FAM98B: variants seen among roughly 807,000 people sequenced by gnomAD.
FAM98B encodes the protein tRNA-splicing ligase complex subunit FAM98B.
Under a neutral mutation model 43.9 loss-of-function variants are expected in FAM98B, and 32 were observed. The ratio of observed to expected loss-of-function variants is 0.73; its 90% CI spans 0.55 to 0.98. The LOEUF is 0.98. Among genes scored for constraint, FAM98B ranks in the 50% least tolerant of loss-of-function variants. The pLI, the probability that FAM98B is intolerant of heterozygous loss-of-function variation, is 0.00. For missense variants in FAM98B, 514 were observed against 522.9 expected, an observed-to-expected ratio of 0.98 and a Z score of 0.17; for synonymous variants, 190 against 174.0, an observed-to-expected ratio of 1.09 and a Z score of -0.72.
intron 7 of FAM98B, chr15:38,481,723 A>G: frequency 1.9e-6 from 2 of 1,058,310 alleles, no homozygotes; most frequent in East Asian, 2.6e-5. Context: ...ATTATGTTCC[A>G]TCTTTCTAAA....
At chr15:38,458,474 C>T (rs971169101) in intron 1 of FAM98B, among the ~76,000 whole-genome samples, 3 of 152,102 alleles carry the variant, frequency 2.0e-5, no homozygotes, top group Non-Finnish European at 4.4e-5. Context: ...CCCACTGAAA[C>T]GCTATATGCT....
intron 6 of FAM98B, among the ~76,000 whole-genome samples, chr15:38,480,865 T>A (rs1301472091): frequency 6.6e-6 from 1 of 152,140 alleles, no homozygotes; most frequent in Non-Finnish European, 1.5e-5. Flanking sequence ...TATAGGATTA[T>A]AAGTTAATTT....
chr15:38,469,647 A>T (rs1275125728), intron 3 of FAM98B, among the ~76,000 whole-genome samples: 1 of 152,254 alleles, frequency 6.6e-6, no homozygotes, highest in Non-Finnish European at 1.5e-5. Flanking sequence ...AATCTAGATC[A>T]TTTAATATGT....
chr15:38,465,461 G>A, intron 3 of FAM98B, 58 bp downstream of exon 3: 1 of 1,457,282 alleles, frequency 6.9e-7, no homozygotes, highest in Non-Finnish European at 9.2e-7. Flanking sequence ...TTATTTTCAA[G>A]TCAAGATTTA....
intron 3 of FAM98B, among the ~76,000 whole-genome samples, chr15:38,465,615 A>G (rs1170937708): frequency 6.6e-6 from 1 of 152,192 alleles, no homozygotes; most frequent in East Asian, 1.9e-4. Context: ...TGGCCAATAT[A>G]GAATGTCCTG....
chr15:38,480,266 T>C (rs1445925960), intron 6 of FAM98B, among the ~76,000 whole-genome samples: 5 of 152,328 alleles, frequency 3.3e-5, no homozygotes, highest in Admixed American at 3.3e-4. Context: ...GTATTATTGT[T>C]ATTATTACAG....
At position 38,458,587 on chromosome 15, in the gene FAM98B, AC is replaced by A. The variant is rs1372442466; in HGVS notation, c.71+4356del. On this transcript the variant is annotated intron_variant, in intron 1 of 7. Transcript: ENST00000397609. Reference sequence around the variant, plus strand: ...GGTATTGTTGGTCTGGCATTTGCCTACTTGGCATCTAAGCTGTCCTAAAGCT... The same window carrying A: ...GGTATTGTTGGTCTGGCATTTGCCTATTGGCATCTAAGCTGTCCTAAAGCT... Among the ~76,000 whole-genome samples the A allele has an allele frequency of 2.6e-5, 4 of 152,150 alleles. No individual in the cohort carries two copies. In the East Asian group the frequency reaches 7.7e-4, roughly 29 times the overall value.
intron 6 of FAM98B, among the ~76,000 whole-genome samples, chr15:38,480,525 G>A (rs538296232): frequency 6.6e-6 from 1 of 152,018 alleles, no homozygotes; most frequent in East Asian, 1.9e-4. Context: ...TAAGTGGGCA[G>A]AGCTAGGATT....
chr15:38,468,086 A>C (rs756032915), intron 3 of FAM98B, among the ~76,000 whole-genome samples: 8 of 152,310 alleles, frequency 5.3e-5, no homozygotes, highest in South Asian at 2.1e-4. Flanking sequence ...ACTGCTTACT[A>C]TCTGCATGGA....
intron 2 of FAM98B, 143 bp from the exon 3 acceptor site, chr15:38,465,126 C>T (rs993785295): frequency 1.6e-5 from 11 of 698,158 alleles, no homozygotes; most frequent in Non-Finnish European, 2.2e-5. Context: ...CAGTTGTTAA[C>T]GTAAGCTTCG....
chr15:38,477,138 CAA>C (rs542437241), intron 6 of FAM98B, among the ~76,000 whole-genome samples: 86 of 150,036 alleles, frequency 5.7e-4, no homozygotes, highest in African/African-American at 2.0e-3. Context: ...TCTCTTAAAA[CAA>C]AAAGAAAAGA....
rs1890100140 is a variant in FAM98B, at chr15:38,470,079, C to T, written c.353-148C>T. ...GGGAATCACTTCGTTTATAAGTGTACAGTGTTCTACAACTGTTGTTCTTTG... is the reference window on the plus strand; with the variant it reads ...GGGAATCACTTCGTTTATAAGTGTATAGTGTTCTACAACTGTTGTTCTTTG... On this transcript the variant is annotated intron_variant, in intron 3 of 7. Transcript: ENST00000397609. 5 of 635,056 alleles carry T rather than the reference C, an allele frequency of 7.9e-6. No individual in the cohort carries two copies. In the South Asian group the frequency reaches 1.2e-4, roughly 16 times the overall value. The allele number at this position is 635,056 out of a possible 1,614,324, so 39.3% of individuals were successfully genotyped here.
rs951312091 is a variant in FAM98B at position 38,470,103 on chromosome 15, T to C, written c.353-124T>C. 4 of 809,048 alleles carry C rather than the reference T, an allele frequency of 4.9e-6. No homozygotes were observed. In the African/African-American group the frequency reaches 7.1e-5, roughly 14 times the overall value. The allele number at this position is 809,048 out of a possible 1,614,324, so 50.1% of individuals were successfully genotyped here. ...ACAGTGTTCTACAACTGTTGTTCTT[T>C]GGGTCTTTGTAAGTTGGCATTATTG... On this transcript the variant is annotated intron_variant, in intron 3 of 7. Transcript: ENST00000397609.
chr15:38,466,814 T>C (rs1030416999), intron 3 of FAM98B, among the ~76,000 whole-genome samples: 4 of 152,162 alleles, frequency 2.6e-5, no homozygotes, highest in Admixed American at 2.6e-4. Context: ...GAAAAGCATT[T>C]ATAATCTCAC....
At chr15:38,476,948 G>A (rs1413055479) in intron 6 of FAM98B, among the ~76,000 whole-genome samples, 3 of 151,870 alleles carry the variant, frequency 2.0e-5, no homozygotes, top group Non-Finnish European at 4.4e-5. Flanking sequence ...CTATAATCAT[G>A]CCACTGCACT....
intron 1 of FAM98B, among the ~76,000 whole-genome samples, chr15:38,462,833 T>C (rs972847144): frequency 2.0e-5 from 3 of 152,324 alleles, no homozygotes; most frequent in East Asian, 1.9e-4. Flanking sequence ...TAAATACCAT[T>C]AAAAGAATCG....
intron 6 of FAM98B, among the ~76,000 whole-genome samples, chr15:38,479,324 GTGTAACCCTATA>G (rs1890251951): frequency 6.6e-6 from 1 of 152,076 alleles, no homozygotes; most frequent in African/African-American, 2.4e-5. Context: ...TCACTGTGTT[GTGTAACCCTATA>G]TGTAATTCCA....
At chr15:38,476,252 A>G (rs1890197831) in intron 6 of FAM98B, among the ~76,000 whole-genome samples, 1 of 151,960 alleles carries the variant, frequency 6.6e-6, no homozygotes, top group Non-Finnish European at 1.5e-5. Flanking sequence ...AACTGACTCC[A>G]TTCTCTGTGT....
At chr15:38,455,462 C>CAAAACAAGAA (rs1889833721) in intron 1 of FAM98B, among the ~76,000 whole-genome samples, 1 of 152,140 alleles carries the variant, frequency 6.6e-6, no homozygotes, top group East Asian at 1.9e-4. Flanking sequence ...TTAGTTGAAC[C>CAAAACAAGAA]CTGATAATAC....
Sources: gnomAD v4.1 joint callset for allele counts (sites outside exome capture counted in the v4.1 genomes callset) on GRCh38, gnomAD v4.1.1 for gene constraint, MANE v1.5 for transcripts, NCBI Gene and HGNC (gene_info 2026-07-23, HGNC 2026-07-21) for gene names.